CYP2C18: variants seen among roughly 807,000 people sequenced by gnomAD.
The protein encoded by CYP2C18 is cytochrome P450 family 2 subfamily C member 18.
Under a neutral mutation model 41.3 loss-of-function variants are expected in CYP2C18, and 38 were observed. That is an observed-to-expected ratio of 0.92 (90% confidence interval 0.71 to 1.21). CYP2C18 has a LOEUF of 1.21. Ranked by LOEUF, CYP2C18 falls within the 50% of genes most tolerant of loss-of-function variation. The pLI is 0.00. For synonymous variants in CYP2C18, 236 were observed against 210.0 expected, an observed-to-expected ratio of 1.12 and a Z score of -1.07; for missense variants, 635 against 591.4, an observed-to-expected ratio of 1.07 and a Z score of -0.77.
In CYP2C18 at chr10:94,724,387, C is replaced by T. The variant is rs140111676; in HGVS notation, c.1003C>T (p.Arg335Trp). 4.3e-6 allele frequency: 7 copies of T among 1,613,326 alleles called. No homozygotes were observed. Among genetic ancestry groups the T allele is most frequent in the Admixed American group, 3.3e-5 (2 of 59,924 alleles). ...GATTGAATGTGTAGTTGGCAGAAAC[C>T]GGAGCCCCTGTATGCAGGACAGGAG... Reference protein sequence around the residue: ...EEIECVVGRNRSPCMQDRSHM... With the variant: ...EEIECVVGRNWSPCMQDRSHM... Residue 335 changes from arginine to tryptophan, a missense_variant, in exon 7 of 9, where the codon CGG (arginine) becomes TGG (tryptophan). Physicochemically the swap from Arg to Trp is moderately radical, Grantham distance 101 (BLOSUM62 -3). Transcript: ENST00000285979.
chr10:94,693,061 C>T (rs149200109), intron 3 of CYP2C18, among the ~76,000 whole-genome samples: 7,255 of 152,066 alleles, frequency 0.048, 235 homozygotes, highest in South Asian at 0.11. Flanking sequence ...ATATCTAATG[C>T]TAAATGACGA....
chr10:94,709,760 C>G (rs868247689), intron 5 of CYP2C18, among the ~76,000 whole-genome samples: 1 of 152,266 alleles, frequency 6.6e-6, no homozygotes, highest in East Asian at 1.9e-4. Context: ...AAGATCCACT[C>G]TGAGTCAATT....
intron 3 of CYP2C18, among the ~76,000 whole-genome samples, chr10:94,692,812 A>G (rs1367009294): frequency 6.6e-6 from 1 of 152,234 alleles, no homozygotes; most frequent in Non-Finnish European, 1.5e-5. Flanking sequence ...AAAATGTGGC[A>G]CATATACACC....
At chr10:94,733,469 A>C (rs772671792) in intron 8 of CYP2C18, 31 bp downstream of exon 8, 1 of 1,611,132 alleles carries the variant, frequency 6.2e-7, no homozygotes, top group Non-Finnish European at 8.5e-7. Context: ...TCTGTCCTTC[A>C]GGGCACATGA....
At chr10:94,692,852 T>C (rs1282361453) in intron 3 of CYP2C18, among the ~76,000 whole-genome samples, 1 of 152,122 alleles carries the variant, frequency 6.6e-6, no homozygotes, top group African/African-American at 2.4e-5. Context: ...TAAAAAATGA[T>C]GAGTTCATGT....
At chr10:94,715,522 G>A (rs1270967309) in intron 5 of CYP2C18, among the ~76,000 whole-genome samples, 2 of 152,132 alleles carry the variant, frequency 1.3e-5, no homozygotes, top group African/African-American at 2.4e-5. Flanking sequence ...TTGCATCCCA[G>A]GGATGAAGCC....
intron 7 of CYP2C18, 103 bp downstream of exon 7, chr10:94,724,636 T>C: frequency 8.6e-7 from 1 of 1,158,580 alleles, no homozygotes; most frequent in Non-Finnish European, 1.3e-6. Flanking sequence ...AAGTGTAAAA[T>C]TCATACGTGG....
At chr10:94,690,514 A>G (rs758340788) in intron 3 of CYP2C18, among the ~76,000 whole-genome samples, 2 of 152,182 alleles carry the variant, frequency 1.3e-5, no homozygotes, top group African/African-American at 2.4e-5. Context: ...TAGACCAATA[A>G]CAGTCTCTGA....
At chr10:94,728,328 G>T (rs1847776225) in intron 7 of CYP2C18, among the ~76,000 whole-genome samples, 1 of 152,018 alleles carries the variant, frequency 6.6e-6, no homozygotes, top group Non-Finnish European at 1.5e-5. Flanking sequence ...TCCACATTTT[G>T]TAAGCCTGTA....
At chr10:94,704,029 C>T (rs1315840539) in intron 4 of CYP2C18, among the ~76,000 whole-genome samples, 2 of 152,162 alleles carry the variant, frequency 1.3e-5, no homozygotes, top group Non-Finnish European at 2.9e-5. Flanking sequence ...AATTCCCTAC[C>T]CTGCTTCTGT....
intron 7 of CYP2C18, among the ~76,000 whole-genome samples, chr10:94,729,952 C>A (rs1315994203): frequency 6.6e-6 from 1 of 152,136 alleles, no homozygotes; most frequent in African/African-American, 2.4e-5. Flanking sequence ...AAGTTGAAGA[C>A]AAAACTGTCC....
chr10:94,730,369 A>G (rs898321454), intron 7 of CYP2C18, among the ~76,000 whole-genome samples: 12 of 152,160 alleles, frequency 7.9e-5, no homozygotes, highest in African/African-American at 4.8e-5. Context: ...ATCAATAGCT[A>G]TGACAATTCA....
intron 5 of CYP2C18, among the ~76,000 whole-genome samples, chr10:94,714,052 A>T (rs1254868292): frequency 6.6e-6 from 1 of 151,774 alleles, no homozygotes; most frequent in East Asian, 1.9e-4. Flanking sequence ...AATTTGTTTG[A>T]GTTCTTTGTA....
intron 5 of CYP2C18, among the ~76,000 whole-genome samples, chr10:94,711,467 G>C (rs535681395): frequency 1.3e-5 from 2 of 151,802 alleles, no homozygotes; most frequent in South Asian, 4.2e-4. Context: ...GGAATGCATT[G>C]GCATGATTGT....
intron 5 of CYP2C18, among the ~76,000 whole-genome samples, chr10:94,718,617 C>G (rs1847595698): frequency 6.6e-6 from 1 of 152,048 alleles, no homozygotes; most frequent in Admixed American, 6.6e-5. Context: ...GTTATTAGCT[C>G]CACTATCAGG....
chr10:94,720,465 G>A lies in CYP2C18; in HGVS notation c.889G>A (p.Ala297Thr). The A allele has an allele frequency of 1.2e-6, 2 of 1,613,316 alleles. No homozygotes were observed. Among genetic ancestry groups the A allele is most frequent in the Non-Finnish European group, 1.7e-6 (2 of 1,179,508 alleles). Residue 297 changes from alanine to threonine, a missense_variant, in exon 6 of 9, where the codon GCT (alanine) becomes ACT (threonine). Coordinates refer to ENST00000285979, the MANE Select transcript of CYP2C18 (RefSeq NM_000772.3). ...LIATVTDMFG[A>T]GTETTSTTLR... Reference sequence around the variant, plus strand: ...AGCCACTGTAACTGATATGTTTGGGGCTGGAACAGAGACAACGAGCACCAC... The same window carrying A: ...AGCCACTGTAACTGATATGTTTGGGACTGGAACAGAGACAACGAGCACCAC...
rs775248533 is a variant in CYP2C18 at position 94,735,414 on chromosome 10, C to T, written c.1443C>T (p.Pro481=). ...PIANAFGRVP[P]LYQLCFIPV ...CCAATGCATTTGGTCGTGTGCCACC[C>T]TTGTACCAGCTCTGCTTCATTCCTG... Residue 481 remains proline, a synonymous_variant, in exon 9 of 9, where the codon CCC becomes CCT. Coordinates refer to ENST00000285979, the MANE Select transcript of CYP2C18 (RefSeq NM_000772.3). 1 of 1,613,632 alleles carries T rather than the reference C, an allele frequency of 6.2e-7. No homozygotes were observed. The highest frequency in any genetic ancestry group is 1.1e-5 in the South Asian group (1 of 91,064).
At chr10:94,710,257 C>A (rs1424136370) in intron 5 of CYP2C18, among the ~76,000 whole-genome samples, 2 of 152,224 alleles carry the variant, frequency 1.3e-5, no homozygotes, top group African/African-American at 4.8e-5. Flanking sequence ...AGGAGTGAAC[C>A]ACGCACCTGG....
At chr10:94,698,198 A>G (rs1162732957) in intron 4 of CYP2C18, among the ~76,000 whole-genome samples, 2 of 152,146 alleles carry the variant, frequency 1.3e-5, no homozygotes, top group Admixed American at 6.5e-5. Flanking sequence ...GCACCACACC[A>G]CACTTATTCC....
Sources: allele counts gnomAD v4.1 joint callset (sites outside exome capture counted in the v4.1 genomes callset), GRCh38; gene constraint gnomAD v4.1.1; transcripts MANE v1.5; gene names NCBI Gene and HGNC (gene_info 2026-07-23, HGNC 2026-07-21).